The following TAL1 variants were observed in gnomAD, a reference collection of about 807,000 sequenced individuals.
The protein encoded by TAL1 is TAL bHLH transcription factor 1, erythroid differentiation factor.
TAL1 carries 8 observed loss-of-function variants against 17.9 expected under a neutral mutation model. That is an observed-to-expected ratio of 0.45 (90% CI 0.26 to 0.81). The LOEUF is 0.81. Ranked by LOEUF, TAL1 falls within the 30% of genes least tolerant of loss-of-function variation. The pLI, the probability that TAL1 is intolerant of heterozygous loss-of-function variation, is 0.17. For missense variants in TAL1, 466 were observed against 486.9 expected (o/e 0.96, Z 0.40); for synonymous variants, 223 against 218.6 (o/e 1.02, Z -0.18).
At chr1:47,231,321 C>G (rs1309875277), upstream of TAL1, 3 of 177,332 alleles carry the variant, frequency 1.7e-5, no homozygotes, top group Non-Finnish European at 3.6e-5. Context: ...CCGCCGCCCC[C>G]ACCAGCGCCT....
At chr1:47,223,351 C>A (rs1643863521) in intron 3 of TAL1, 1 of 152,290 alleles carries the variant, frequency 6.6e-6, no homozygotes, top group South Asian at 2.1e-4. Flanking sequence ...TTTGTCCAAA[C>A]CACCCCTGCA....
upstream of TAL1, among the ~76,000 whole-genome samples, chr1:47,231,371 G>A (rs1183768618): frequency 8.6e-6 from 1 of 115,976 alleles, no homozygotes; most frequent in Non-Finnish European, 1.7e-5. Context: ...CGCCCCCAGC[G>A]ATTTGCAAAC....
At chr1:47,225,415 C>CCCTGGCG in intron 2 of TAL1, 28 bp downstream of exon 3, 1 of 1,202,476 alleles carries the variant, frequency 8.3e-7, no homozygotes, top group Non-Finnish European at 1.0e-6. Flanking sequence ...CCCGCCCAGC[C>CCCTGGCG]CCTGGCCCCT....
chr1:47,218,551 G>A (rs975770182), exon 4 of TAL1: 1 of 233,016 alleles, frequency 4.3e-6, no homozygotes, highest in African/African-American at 2.2e-5. Context: ...TTAAGGTTCT[G>A]CTAAGTGAAT....
exon 1 of TAL1, chr1:47,229,334 G>T (rs1557682346): frequency 2.5e-5 from 5 of 198,022 alleles, no homozygotes; most frequent in Non-Finnish European, 5.2e-5. Flanking sequence ...GTTACGCTGC[G>T]GTGTGGTCCT....
chr1:47,219,762 A>T, exon 4 of TAL1: 1 of 1,611,260 alleles, frequency 6.2e-7, no homozygotes, highest in Non-Finnish European at 8.5e-7. Flanking sequence ...GCATGGCAGG[A>T]TGGAGGCTGC....
At chr1:47,220,005 G>A (rs766881926) in exon 4 of TAL1, 4 of 1,610,124 alleles carry the variant, frequency 2.5e-6, no homozygotes, top group Admixed American at 3.4e-5. Context: ...TGGCCAAGAA[G>A]TTGATATACT....
At chr1:47,232,310 C>A (rs896068358), upstream of TAL1, 1 of 159,260 alleles carries the variant, frequency 6.3e-6, no homozygotes, top group Non-Finnish European at 1.4e-5. Context: ...ATCCCACTCA[C>A]GTTCCAGGCC....
chr1:47,225,577 C>A, exon 2 of TAL1: 3 of 1,283,390 alleles, frequency 2.3e-6, no homozygotes, highest in Non-Finnish European at 2.9e-6. Context: ...CCGAGGCGGG[C>A]GCGGGGGCCG....
At chr1:47,220,364 T>G (rs1206715689) in intron 3 of TAL1, among the ~76,000 whole-genome samples, 190 bp from the exon 5 acceptor site, 1 of 152,194 alleles carries the variant, frequency 6.6e-6, no homozygotes, top group African/African-American at 2.4e-5. Flanking sequence ...TCCAGACAGA[T>G]GTAACCAACC....
intron 2 of TAL1, 141 bp downstream of exon 3, chr1:47,225,302 T>A: frequency 1.3e-6 from 1 of 779,534 alleles, no homozygotes; most frequent in Non-Finnish European, 1.7e-6. Flanking sequence ...AGCCACTGGG[T>A]TTAAAACGAC....
At chr1:47,220,553 A>G (rs1643768053) in intron 3 of TAL1, among the ~76,000 whole-genome samples, 1 of 152,180 alleles carries the variant, frequency 6.6e-6, no homozygotes, top group Non-Finnish European at 1.5e-5. Context: ...CTCCATTCCT[A>G]TTTGACTACC....
upstream of TAL1, chr1:47,230,942 G>A (rs1005885554): frequency 6.6e-6 from 1 of 152,232 alleles, no homozygotes; most frequent in Non-Finnish European, 1.5e-5. Flanking sequence ...TTCCCAGGAG[G>A]TGATCCCGAA....
At chr1:47,225,408 G>A in intron 2 of TAL1, 35 bp downstream of exon 3, 2 of 1,200,834 alleles carry the variant, frequency 1.7e-6, no homozygotes, top group Non-Finnish European at 2.1e-6. Flanking sequence ...CTGCCCACCC[G>A]CCCAGCCCCT....
At chr1:47,231,419 C>T (rs72896544), upstream of TAL1, among the ~76,000 whole-genome samples, 78 of 150,704 alleles carry the variant, frequency 5.2e-4, no homozygotes, top group African/African-American at 1.9e-3. Context: ...GCATACAACT[C>T]AGTGCGGACA....
exon 4 of TAL1, chr1:47,216,779 T>G: frequency 4.3e-6 from 1 of 231,810 alleles, no homozygotes; most frequent in Non-Finnish European, 8.5e-6. Context: ...TGGTCATCTT[T>G]GTTCTCAAAA....
At chr1:47,217,104 G>C (rs879935403) in exon 4 of TAL1, 2 of 235,740 alleles carry the variant, frequency 8.5e-6, no homozygotes, top group Non-Finnish European at 1.7e-5. Context: ...TCTGGGCTGG[G>C]TGCAATGGCT....
exon 4 of TAL1, chr1:47,219,027 G>A: frequency 3.2e-6 from 1 of 310,352 alleles, no homozygotes; most frequent in East Asian, 4.7e-5. Flanking sequence ...CACAGGCTTA[G>A]GAAGGCAAGT....
exon 4 of TAL1, chr1:47,217,126 T>A: frequency 4.2e-6 from 1 of 237,614 alleles, no homozygotes; most frequent in Non-Finnish European, 8.2e-6. Flanking sequence ...ACACCTGTGA[T>A]CCCAGTGCTT....
Sources: allele counts gnomAD v4.1 joint callset (sites outside exome capture counted in the v4.1 genomes callset), GRCh38; gene constraint gnomAD v4.1.1; transcripts MANE v1.5; gene names NCBI Gene and HGNC (gene_info 2026-07-23, HGNC 2026-07-21).